The following FHIT variants were observed in gnomAD, a reference collection of about 807,000 sequenced individuals.
FHIT encodes the protein bis(5'-adenosyl)-triphosphatase.
In FHIT, 19 loss-of-function variants were observed where a neutral mutation model predicts 17.9. The observed-to-expected ratio is 1.06, with a 90% confidence interval of 0.74 to 1.56. The LOEUF is 1.56. FHIT is among the 40% of genes most tolerant of loss of function. The pLI, the probability that FHIT is intolerant of heterozygous loss-of-function variation, is 0.00. For synonymous variants in FHIT, 81 were observed against 69.7 expected (o/e 1.16, Z -0.81); for missense variants, 248 against 189.2 (o/e 1.31, Z -1.82).
intron 5 of FHIT, among the ~76,000 whole-genome samples, chr3:60,178,824 T>C (rs1024697185): frequency 6.6e-6 from 1 of 152,114 alleles, no homozygotes; most frequent in African/African-American, 2.4e-5. Context: ...AAATATACCA[T>C]GGTATGAGCA....
intron 7 of FHIT, among the ~76,000 whole-genome samples, chr3:59,932,655 G>C (rs1236708169): frequency 6.6e-6 from 1 of 151,904 alleles, no homozygotes; most frequent in African/African-American, 2.4e-5. Context: ...AACAGGTGTT[G>C]AGAGAACTCC....
chr3:60,128,419 A>T lies in FHIT; in HGVS notation c.104-114267T>A, dbSNP rs1246242620. 2.6e-5 allele frequency among the ~76,000 whole-genome samples: 4 copies of T among 152,286 alleles called. No homozygotes were observed. In the East Asian group the frequency reaches 7.7e-4, roughly 29 times the overall value. On this transcript the variant is annotated intron_variant, in intron 5 of 9. Transcript: ENST00000492590. ...GGACATGTTTGCTTTCCCTTCTACC[A>T]TGACTATAAGTTTCCTGAGGCCTCT...
chr3:59,755,830 A>G (rs560985593), intron 8 of FHIT, among the ~76,000 whole-genome samples: 2 of 148,670 alleles, frequency 1.3e-5, no homozygotes, highest in Admixed American at 6.8e-5. Flanking sequence ...TCACAAAGAA[A>G]CGTTATGAAA....
At chr3:60,567,703 C>A (rs1478208207) in intron 4 of FHIT, among the ~76,000 whole-genome samples, 3 of 152,072 alleles carry the variant, frequency 2.0e-5, no homozygotes, top group African/African-American at 7.2e-5. Context: ...TTGCAGTCTA[C>A]CCATCTGACA....
chr3:60,609,617 G>A (rs782312058), intron 4 of FHIT, among the ~76,000 whole-genome samples: 43 of 152,028 alleles, frequency 2.8e-4, no homozygotes, highest in Non-Finnish European at 3.8e-4. Context: ...GAGCCACCGC[G>A]CCCAGCCCTT....
chr3:60,207,306 T>G (rs1703242519), intron 5 of FHIT, among the ~76,000 whole-genome samples: 1 of 152,050 alleles, frequency 6.6e-6, no homozygotes, highest in African/African-American at 2.4e-5. Flanking sequence ...ATATACAAAA[T>G]ATAAGACAGC....
intron 5 of FHIT, among the ~76,000 whole-genome samples, chr3:60,525,148 C>T (rs764465447): frequency 1.3e-5 from 2 of 152,202 alleles, no homozygotes; most frequent in Non-Finnish European, 2.9e-5. Flanking sequence ...AACAGGATCA[C>T]TCCGGCTGCT....
chr3:60,349,950 T>C (rs1219408473), intron 5 of FHIT, among the ~76,000 whole-genome samples: 1 of 152,218 alleles, frequency 6.6e-6, no homozygotes, highest in Non-Finnish European at 1.5e-5. Context: ...ATTCATTCTC[T>C]TGTCTATCTG....
At chr3:59,849,075 G>C (rs1701830799) in intron 8 of FHIT, among the ~76,000 whole-genome samples, 1 of 152,150 alleles carries the variant, frequency 6.6e-6, no homozygotes, top group Non-Finnish European at 1.5e-5. Flanking sequence ...TGTTTGTTAA[G>C]AAATAAGATT....
chr3:60,762,419 C>T (rs1007569075), intron 4 of FHIT, among the ~76,000 whole-genome samples: 8 of 152,190 alleles, frequency 5.3e-5, no homozygotes, highest in South Asian at 4.1e-4. Context: ...CCTCTTTCTT[C>T]TGCCTGTGAT....
chr3:61,247,186 T>A (rs1386431806), intron 1 of FHIT, among the ~76,000 whole-genome samples: 1 of 152,174 alleles, frequency 6.6e-6, no homozygotes, highest in Non-Finnish European at 1.5e-5. Flanking sequence ...TTTAGGATAC[T>A]GAGGGCCTCC....
At chr3:59,986,608 T>C (rs1708939700) in intron 7 of FHIT, among the ~76,000 whole-genome samples, 1 of 73,548 alleles carries the variant, frequency 1.4e-5, no homozygotes, top group African/African-American at 6.6e-5. Context: ...TATATATGTG[T>C]ACATATATGT....
chr3:60,826,214 G>C (rs189990811), intron 3 of FHIT, among the ~76,000 whole-genome samples: 1 of 137,436 alleles, frequency 7.3e-6, no homozygotes, highest in Admixed American at 7.6e-5. Context: ...AGGAAGGAAA[G>C]AAGGAAGGAA....
At chr3:60,407,753 A>G (rs1424316025) in intron 5 of FHIT, among the ~76,000 whole-genome samples, 5 of 152,048 alleles carry the variant, frequency 3.3e-5, no homozygotes, top group Non-Finnish European at 5.9e-5. Flanking sequence ...CTGACCTCAA[A>G]TGATCTGCCC....
intron 3 of FHIT, among the ~76,000 whole-genome samples, chr3:60,897,846 C>A (rs1263843953): frequency 1.3e-5 from 2 of 152,148 alleles, no homozygotes; most frequent in Non-Finnish European, 1.5e-5. Context: ...TTCTCTAGAG[C>A]AAATAAGAAT....
In FHIT at chr3:60,525,603, C is replaced by T. The variant is rs575044664; in HGVS notation, c.103+11257G>A. On this transcript the variant is annotated intron_variant, in intron 5 of 9. Transcript: ENST00000492590. ...CTCTTTAATAATATCTTGGGCAGAACGTATAACTATGTAGTCACTTTCCAT... is the reference window on the plus strand; with the variant it reads ...CTCTTTAATAATATCTTGGGCAGAATGTATAACTATGTAGTCACTTTCCAT... Among the ~76,000 whole-genome samples the T allele has an allele frequency of 5.9e-5, 9 of 152,252 alleles. No individual in the cohort carries two copies. The South Asian group carries it at 1.5e-3, about 25-fold the overall frequency.
chr3:60,341,670 T>C (rs1258756977), intron 5 of FHIT, among the ~76,000 whole-genome samples: 2 of 152,100 alleles, frequency 1.3e-5, no homozygotes, highest in African/African-American at 4.8e-5. Flanking sequence ...ATGTAGTCTC[T>C]CTGCTTTATA....
At chr3:59,966,768 G>A (rs1707945974) in intron 7 of FHIT, among the ~76,000 whole-genome samples, 1 of 152,108 alleles carries the variant, frequency 6.6e-6, no homozygotes, top group Non-Finnish European at 1.5e-5. Context: ...TGAGTAAGGG[G>A]TGACTGAATT....
At chr3:60,381,938 T>C (rs1339713579) in intron 5 of FHIT, among the ~76,000 whole-genome samples, 1 of 151,430 alleles carries the variant, frequency 6.6e-6, no homozygotes, top group Non-Finnish European at 1.5e-5. Flanking sequence ...ATATGGTAGG[T>C]GGTAACTACA....
Sources: gnomAD v4.1 joint callset for allele counts (sites outside exome capture counted in the v4.1 genomes callset) on GRCh38, gnomAD v4.1.1 for gene constraint, MANE v1.5 for transcripts, NCBI Gene and HGNC (gene_info 2026-07-23, HGNC 2026-07-21) for gene names.